Variants in THSD7A observed in about 807,000 individuals in gnomAD.
The protein encoded by THSD7A is thrombospondin type-1 domain-containing protein 7A.
In THSD7A, 96 loss-of-function variants were observed where a neutral mutation model predicts 231.3. That is an observed-to-expected ratio of 0.41 (90% CI 0.35 to 0.49). The LOEUF (loss-of-function observed/expected upper bound fraction) is 0.49, where lower values mean the gene tolerates loss of function less well. THSD7A is among the 20% of genes least tolerant of loss of function. THSD7A has a pLI of 0.05. For synonymous variants in THSD7A, 940 were observed against 743.3 expected (o/e 1.26, Z -4.30); for missense variants, 2,290 against 2,070.2 (o/e 1.11, Z -2.06).
chr7:11,456,812 C>A (rs1370074916), intron 11 of THSD7A, among the ~76,000 whole-genome samples: 1 of 151,914 alleles, frequency 6.6e-6, no homozygotes, highest in Non-Finnish European at 1.5e-5. Flanking sequence ...CTGGATTTAG[C>A]TCACAGGCCA....
At chr7:11,564,037 C>T (rs1419818439) in intron 4 of THSD7A, among the ~76,000 whole-genome samples, 1 of 152,134 alleles carries the variant, frequency 6.6e-6, no homozygotes, top group Non-Finnish European at 1.5e-5. Flanking sequence ...AACCTGTTGA[C>T]TTTTCTGTTT....
chr7:11,723,753 A>G (rs1781444225), intron 1 of THSD7A, among the ~76,000 whole-genome samples: 1 of 151,962 alleles, frequency 6.6e-6, no homozygotes, highest in Admixed American at 6.6e-5. Flanking sequence ...AGGTTCTGAA[A>G]AACAACCGTA....
At chr7:11,758,598 C>T (rs1782758007) in intron 1 of THSD7A, among the ~76,000 whole-genome samples, 1 of 151,980 alleles carries the variant, frequency 6.6e-6, no homozygotes, top group Non-Finnish European at 1.5e-5. Flanking sequence ...TGCCAGGACT[C>T]CCACAACGTG....
chr7:11,543,772 T>C (rs1421494411), intron 4 of THSD7A, among the ~76,000 whole-genome samples: 1 of 152,236 alleles, frequency 6.6e-6, no homozygotes, highest in African/African-American at 2.4e-5. Context: ...TGTTCATAAT[T>C]TGACCAATAA....
intron 1 of THSD7A, among the ~76,000 whole-genome samples, chr7:11,702,903 C>A (rs2128145427): frequency 6.6e-6 from 1 of 151,302 alleles, no homozygotes; most frequent in East Asian, 2.0e-4. Flanking sequence ...AGACTTCTTC[C>A]TGCTTCTTGT....
In THSD7A at chr7:11,789,452, A is replaced by G. The variant is rs1783884574; in HGVS notation, c.190+42305T>C. On this transcript the variant is annotated intron_variant, in intron 1 of 27. Transcript: ENST00000423059. ...TCACTGCAGTCAGCCAGGCTAGAGA[A>G]AATGACACTCGTCCTCTTTTATAAG... 2.6e-5 allele frequency among the ~76,000 whole-genome samples: 4 copies of G among 152,054 alleles called. No homozygotes were observed. The South Asian group carries it at 8.3e-4, about 32-fold the overall frequency.
chr7:11,757,775 G>C (rs1346296508), intron 1 of THSD7A, among the ~76,000 whole-genome samples: 1 of 151,478 alleles, frequency 6.6e-6, no homozygotes, highest in African/African-American at 2.4e-5. Flanking sequence ...ATCTTTAATG[G>C]GCTTTTATAA....
At chr7:11,658,996 T>C (rs1414079271) in intron 1 of THSD7A, among the ~76,000 whole-genome samples, 1 of 151,712 alleles carries the variant, frequency 6.6e-6, no homozygotes, top group East Asian at 1.9e-4. Context: ...ACTGCACTTT[T>C]AGAGGTATTT....
chr7:11,529,583 T>A (rs1249079384), intron 6 of THSD7A, among the ~76,000 whole-genome samples: 9 of 134,164 alleles, frequency 6.7e-5, no homozygotes, highest in Non-Finnish European at 1.1e-4. Flanking sequence ...GTTTTAAAAG[T>A]GTTTGGCAGT....
intron 23 of THSD7A, among the ~76,000 whole-genome samples, chr7:11,397,866 A>G (rs934450618): frequency 2.0e-5 from 3 of 152,158 alleles, no homozygotes; most frequent in African/African-American, 4.8e-5. Context: ...TCTCACACCA[A>G]TTAGAATAGT....
intron 1 of THSD7A, among the ~76,000 whole-genome samples, chr7:11,795,562 C>G (rs1784099605): frequency 6.6e-6 from 1 of 151,692 alleles, no homozygotes; most frequent in Non-Finnish European, 1.5e-5. Flanking sequence ...TGTATTAGTC[C>G]CTAGTTTTAT....
chr7:11,605,144 T>C (rs1780692654), intron 2 of THSD7A, among the ~76,000 whole-genome samples: 1 of 152,102 alleles, frequency 6.6e-6, no homozygotes, highest in South Asian at 2.1e-4. Context: ...TTGACATATT[T>C]AAACTCTCTC....
chr7:11,380,427 C>A (rs1486669020), intron 24 of THSD7A, among the ~76,000 whole-genome samples: 1 of 152,094 alleles, frequency 6.6e-6, no homozygotes, highest in Non-Finnish European at 1.5e-5. Flanking sequence ...TATACTTGTT[C>A]AGTTTAACAG....
intron 1 of THSD7A, among the ~76,000 whole-genome samples, chr7:11,796,197 T>C (rs987944308): frequency 6.6e-6 from 1 of 150,820 alleles, no homozygotes; most frequent in African/African-American, 2.4e-5. Flanking sequence ...CATGTGTATA[T>C]TGCTTTAATA....
At chr7:11,484,076 T>C (rs1786545665) in intron 6 of THSD7A, among the ~76,000 whole-genome samples, 1 of 151,902 alleles carries the variant, frequency 6.6e-6, no homozygotes, top group Non-Finnish European at 1.5e-5. Context: ...ATCATCTTGT[T>C]CTGCTTGGCC....
chr7:11,577,668 A>T (rs1255061154), intron 4 of THSD7A, among the ~76,000 whole-genome samples: 1 of 151,092 alleles, frequency 6.6e-6, no homozygotes, highest in African/African-American at 2.4e-5. Flanking sequence ...TATTTTAACA[A>T]CAAGGGCTAA....
chr7:11,779,391 C>T (rs966514557), intron 1 of THSD7A, among the ~76,000 whole-genome samples: 1 of 152,158 alleles, frequency 6.6e-6, no homozygotes, highest in Admixed American at 6.5e-5. Flanking sequence ...TGCCCTTTCC[C>T]TTATTACACA....
At chr7:11,413,233 T>C (rs187361908) in intron 17 of THSD7A, among the ~76,000 whole-genome samples, 54 of 152,164 alleles carry the variant, frequency 3.5e-4, no homozygotes, top group East Asian at 1.4e-3. Flanking sequence ...GATGCACACA[T>C]ATACATGCAT....
At chr7:11,587,203 T>G (rs1335010953) in intron 4 of THSD7A, among the ~76,000 whole-genome samples, 3 of 152,198 alleles carry the variant, frequency 2.0e-5, no homozygotes, top group Non-Finnish European at 4.4e-5. Context: ...CTAGGACTCA[T>G]ACAGATAACC....
Sources: gnomAD v4.1 joint callset for allele counts (sites outside exome capture counted in the v4.1 genomes callset) on GRCh38, gnomAD v4.1.1 for gene constraint, MANE v1.5 for transcripts, NCBI Gene and HGNC (gene_info 2026-07-23, HGNC 2026-07-21) for gene names.